Variants in LARGE1 observed in about 807,000 individuals in gnomAD.
LARGE1 encodes LARGE xylosyl- and glucuronyltransferase 1.
Under a neutral mutation model 87.6 loss-of-function variants are expected in LARGE1, and 43 were observed. The ratio of observed to expected loss-of-function variants is 0.49; its 90% CI spans 0.38 to 0.63. The LOEUF is 0.63. LARGE1 is among the 30% of genes least tolerant of loss of function. The pLI, the probability that LARGE1 is intolerant of heterozygous loss-of-function variation, is 0.00. For synonymous variants in LARGE1, 434 were observed against 394.6 expected (o/e 1.10, Z -1.18); for missense variants, 802 against 1,000.2 (o/e 0.80, Z 2.67).
At chr22:33,843,084 T>C (rs1355683978) in intron 1 of LARGE1, among the ~76,000 whole-genome samples, 3 of 152,174 alleles carry the variant, frequency 2.0e-5, no homozygotes, top group Admixed American at 6.5e-5. Context: ...ATCCTTTTCA[T>C]CCTCACAACC....
chr22:33,682,203 C>T (rs1041302698), intron 2 of LARGE1, among the ~76,000 whole-genome samples: 2 of 152,186 alleles, frequency 1.3e-5, no homozygotes, highest in Non-Finnish European at 1.5e-5. Context: ...TGTTGTACTC[C>T]TCCAGTTCAT....
chr22:33,480,695 G>GA (rs2069282230), intron 6 of LARGE1, among the ~76,000 whole-genome samples: 1 of 151,934 alleles, frequency 6.6e-6, no homozygotes, highest in African/African-American at 2.4e-5. Context: ...GTGCACACTT[G>GA]AAAAAACACA....
rs115571102 is a variant in LARGE1, at chr22:33,746,263, C to G, written c.106+15108G>C. Among the ~76,000 whole-genome samples the G allele has an allele frequency of 2.5e-3, 381 of 152,288 alleles. 1 individual carries two copies. The highest frequency in any genetic ancestry group is 8.8e-3 in the African/African-American group (366 of 41,568). ...TCTCAAAACAAAATAAGAATATTAG[C>G]ACCTACTTCATAGGACAGTTCTGAG... On this transcript the variant is annotated intron_variant, in intron 2 of 14. Coordinates refer to ENST00000397394, the MANE Select transcript of LARGE1 (RefSeq NM_133642.5).
At chr22:33,351,023 T>C (rs1940322610) in intron 9 of LARGE1, among the ~76,000 whole-genome samples, 1 of 152,244 alleles carries the variant, frequency 6.6e-6, no homozygotes, top group South Asian at 2.1e-4. Flanking sequence ...TTCTTTATGT[T>C]TTCATTGCAC....
chr22:33,541,957 G>A (rs958567940), intron 6 of LARGE1, among the ~76,000 whole-genome samples: 1 of 151,938 alleles, frequency 6.6e-6, no homozygotes, highest in African/African-American at 2.4e-5. Flanking sequence ...GAGGTCAAGA[G>A]TTGGAGAACA....
intron 9 of LARGE1, among the ~76,000 whole-genome samples, chr22:33,366,579 G>T (rs912890259): frequency 6.6e-6 from 1 of 152,096 alleles, no homozygotes; most frequent in Admixed American, 6.5e-5. Context: ...GCTAGATTTG[G>T]TTTGCTAAAT....
chr22:33,573,582 A>C (rs930983446), intron 5 of LARGE1, among the ~76,000 whole-genome samples: 20 of 152,192 alleles, frequency 1.3e-4, no homozygotes, highest in African/African-American at 4.8e-4. Flanking sequence ...AGGGCGAGGG[A>C]CCAGGGTCCA....
At chr22:33,787,142 G>GT (rs1223669692) in intron 1 of LARGE1, among the ~76,000 whole-genome samples, 1 of 151,892 alleles carries the variant, frequency 6.6e-6, no homozygotes, top group Non-Finnish European at 1.5e-5. Flanking sequence ...ATACTTCCAC[G>GT]TAACAGCTGG....
At chr22:33,497,127 G>A (rs904801800) in intron 6 of LARGE1, among the ~76,000 whole-genome samples, 9 of 149,512 alleles carry the variant, frequency 6.0e-5, no homozygotes, top group African/African-American at 2.2e-4. Flanking sequence ...AGGATGTGGA[G>A]TACAGTGGTG....
intron 2 of LARGE1, chr22:33,733,516 T>C (rs1373364708): frequency 1.3e-5 from 2 of 152,226 alleles, no homozygotes; most frequent in Admixed American, 6.5e-5. Flanking sequence ...GAGACTCAAA[T>C]AGAGATGACA....
chr22:33,604,449 C>T lies in LARGE1; in HGVS notation c.601G>A (p.Ala201Thr). 6.2e-7 allele frequency: 1 copy of T among 1,614,044 alleles called. No individual in the cohort carries two copies. Among genetic ancestry groups the T allele is most frequent in the Non-Finnish European group, 8.5e-7 (1 of 1,179,972 alleles). The change falls in exon 5 of 15, where the codon GCA (alanine) becomes ACA (threonine). Residue 201 changes from alanine to threonine, a missense_variant. Ala to Thr is a moderately conservative substitution (Grantham distance 58, BLOSUM62 0). Coordinates refer to ENST00000397394, the MANE Select transcript of LARGE1 (RefSeq NM_133642.5). The stretch of plus-strand genomic sequence containing the variant: ...CCTGCCCATACCTTGAGCTCGTCTG[C>T]ATTGTAGAAGTCCACACGCACAGCG... ...VPAVRVDFYN[A>T]DELKSEVSWI...
chr22:33,536,667 G>A (rs758917893), intron 6 of LARGE1, among the ~76,000 whole-genome samples: 1 of 152,158 alleles, frequency 6.6e-6, no homozygotes, highest in East Asian at 1.9e-4. Context: ...TTCAGGACAC[G>A]TACACCGTCC....
chr22:33,919,280 G>A (rs532248223), intron 1 of LARGE1, among the ~76,000 whole-genome samples: 2 of 152,256 alleles, frequency 1.3e-5, no homozygotes, highest in African/African-American at 2.4e-5. Flanking sequence ...TACAACTGAG[G>A]TTCCTTAAGA....
intron 4 of LARGE1, 141 bp downstream of exon 4, chr22:33,626,103 A>G: frequency 2.8e-6 from 2 of 725,148 alleles, no homozygotes. Context: ...TCATCTCCTC[A>G]GGGTTTCAGA....
rs2157200 is a variant in LARGE1 at position 33,337,991 on chromosome 22, C to A, written c.1132-190G>T. Reference sequence around the variant, plus strand: ...CCAGGTCACCTGGGATCAAACCCTGCCTCTGCTCTAGGTAGTCCTTTAATC... The same window carrying A: ...CCAGGTCACCTGGGATCAAACCCTGACTCTGCTCTAGGTAGTCCTTTAATC... On this transcript the variant is annotated intron_variant, in intron 9 of 14. Transcript: ENST00000397394. Among the ~76,000 whole-genome samples, 19,981 of 152,122 alleles carry A rather than the reference C, an allele frequency of 0.13. 2,714 individuals are homozygous for A. The highest frequency in any genetic ancestry group is 0.35 in the African/African-American group (14,585 of 41,420).
chr22:33,737,797 T>A (rs2083710815), intron 2 of LARGE1: 1 of 152,140 alleles, frequency 6.6e-6, no homozygotes, highest in African/African-American at 2.4e-5. Context: ...AGTAGTGATG[T>A]GGCTGGATTC....
intron 9 of LARGE1, among the ~76,000 whole-genome samples, chr22:33,356,575 C>T (rs1429229200): frequency 1.3e-5 from 2 of 152,086 alleles, no homozygotes; most frequent in African/African-American, 4.8e-5. Context: ...AGTTTGACGC[C>T]AGCCTGGCCA....
At chr22:33,546,471 T>C (rs978172441) in intron 6 of LARGE1, among the ~76,000 whole-genome samples, 52 of 152,244 alleles carry the variant, frequency 3.4e-4, no homozygotes, top group African/African-American at 1.2e-3. Flanking sequence ...ACCATTATGT[T>C]TGGCACATGC....
Position 33,274,157 on chromosome 22 carries a change from CCT to C in LARGE1, c.*268_*269del, listed in dbSNP as rs1928685427. ...CAGTAAGATGATAACCCTTTTACTC[CCT>C]GTCACCCCTTGATTTCCCATTCTTG... On this transcript the variant is annotated 3_prime_UTR_variant, in exon 15 of 15. Coordinates refer to ENST00000397394, the MANE Select transcript of LARGE1 (RefSeq NM_133642.5). 1.4e-5 allele frequency: 8 copies of C among 573,866 alleles called. 2 individuals are homozygous for C. Among genetic ancestry groups the C allele is most frequent in the South Asian group, 1.0e-4 (5 of 49,598 alleles). 35.5% of individuals were successfully genotyped at this position (573,866 alleles called of 1,614,324 possible).
Sources: gnomAD v4.1 joint callset for allele counts (sites outside exome capture counted in the v4.1 genomes callset) on GRCh38, gnomAD v4.1.1 for gene constraint, MANE v1.5 for transcripts, NCBI Gene and HGNC (gene_info 2026-07-23, HGNC 2026-07-21) for gene names.